SASH1: variants seen among roughly 807,000 people sequenced by gnomAD.
SASH1 encodes the protein SAM and SH3 domain-containing protein 1.
In SASH1, 44 loss-of-function variants were observed where a neutral mutation model predicts 125.2. The observed-to-expected ratio is 0.35, with a 90% CI of 0.28 to 0.45. The LOEUF is 0.45. Ranked by LOEUF, SASH1 falls within the 20% of genes least tolerant of loss-of-function variation. The pLI, the probability that SASH1 is intolerant of heterozygous loss-of-function variation, is 1.00. For missense variants in SASH1, 1,426 were observed against 1,614.5 expected, an observed-to-expected ratio of 0.88 and a Z score of 2.00; for synonymous variants, 639 against 649.1, an observed-to-expected ratio of 0.98 and a Z score of 0.24.
chr6:148,406,640 C>T (rs1784385880), intron 2 of SASH1, among the ~76,000 whole-genome samples: 1 of 152,200 alleles, frequency 6.6e-6, no homozygotes, highest in Non-Finnish European at 1.5e-5. Context: ...GTGCCAAGTC[C>T]AGGGATGACA....
At chr6:148,295,931 C>G (rs905915888) in intron 1 of SASH1, among the ~76,000 whole-genome samples, 1 of 152,160 alleles carries the variant, frequency 6.6e-6, no homozygotes, top group Non-Finnish European at 1.5e-5. Flanking sequence ...TTGCCCTAGT[C>G]CAATTTTTCC....
intron 1 of SASH1, among the ~76,000 whole-genome samples, chr6:148,389,483 A>G (rs532214957): frequency 3.8e-4 from 58 of 152,378 alleles, no homozygotes; most frequent in Non-Finnish European, 6.5e-4. Flanking sequence ...CTAATGAATA[A>G]TATGAATATT....
the SASH1 span, among the ~76,000 whole-genome samples, chr6:148,216,557 A>G: frequency 6.6e-6 from 1 of 152,120 alleles, no homozygotes; most frequent in Non-Finnish European, 1.5e-5. Flanking sequence ...TAACTCCTGT[A>G]TCTCCAGGAA....
chr6:148,421,160 A>AGAAG (rs1491208915), intron 2 of SASH1, among the ~76,000 whole-genome samples: 2 of 106,378 alleles, frequency 1.9e-5, no homozygotes, highest in African/African-American at 7.1e-5. Context: ...AAAGAAAGAA[A>AGAAG]GAAAGAAAGA....
Position 148,449,074 on chromosome 6 carries a change from A to ATTTCTTTTTCTTTTTTTT in SASH1, c.386+8676_386+8677insCTTTTTTTTTTTCTTTTT, listed in dbSNP as rs1419978576. Among the ~76,000 whole-genome samples, 17 of 32,734 alleles carry ATTTCTTTTTCTTTTTTTT rather than the reference A, an allele frequency of 5.2e-4. 1 individual carries two copies. Among genetic ancestry groups the ATTTCTTTTTCTTTTTTTT allele is most frequent in the East Asian group, 2.0e-3 (3 of 1,530 alleles). The allele number at this position is 32,734 out of a possible 152,430, so 21.5% of individuals were successfully genotyped here. ...ACCCGAGACTGGCTAATTTCATTTC[A>ATTTCTTTTTCTTTTTTTT]TTTCTTTTTTTTTTTTTTTGGAGAC... On this transcript the variant is annotated intron_variant, in intron 4 of 19. Coordinates refer to ENST00000367467, the MANE Select transcript of SASH1 (RefSeq NM_015278.5).
the SASH1 span, among the ~76,000 whole-genome samples, chr6:148,205,158 C>T: frequency 2.0e-5 from 3 of 152,166 alleles, no homozygotes; most frequent in Admixed American, 6.5e-5. Flanking sequence ...TATAATGGGG[C>T]GATTTATCAA....
chr6:148,226,877 T>C, the SASH1 span, among the ~76,000 whole-genome samples: 6,647 of 152,230 alleles, frequency 0.044, 184 homozygotes, highest in East Asian at 0.065. Context: ...TGTCTCTGCC[T>C]ACAACACTCA....
At position 148,452,436 on chromosome 6, in the gene SASH1, A is replaced by G. The variant is rs186628357; in HGVS notation, c.386+12029A>G. ...CATCTTTTGTTTTCTGCTCCAGTCT[A>G]AAGCATGCCCTGCACCGATCAATTT... On this transcript the variant is annotated intron_variant, in intron 4 of 19. Transcript: ENST00000367467. 2.6e-5 allele frequency among the ~76,000 whole-genome samples: 4 copies of G among 152,260 alleles called. No individual in the cohort carries two copies. In the East Asian group the frequency reaches 7.7e-4, roughly 29 times the overall value.
intron 1 of SASH1, among the ~76,000 whole-genome samples, chr6:148,343,769 T>G (rs747704834): frequency 6.6e-6 from 1 of 152,238 alleles, no homozygotes; most frequent in African/African-American, 2.4e-5. Flanking sequence ...TGTGCTGTCA[T>G]GTATTTTGAA....
chr6:148,264,971 G>T, the SASH1 span, among the ~76,000 whole-genome samples: 36 of 152,330 alleles, frequency 2.4e-4, no homozygotes, highest in African/African-American at 7.9e-4. Flanking sequence ...CAGACCACGT[G>T]CTCACTATTT....
At chr6:148,476,543 G>C (rs182001981) in intron 7 of SASH1, among the ~76,000 whole-genome samples, 3 of 152,086 alleles carry the variant, frequency 2.0e-5, no homozygotes, top group East Asian at 3.9e-4. Context: ...TTAGCCAGGC[G>C]TGGTGGCACG....
intron 1 of SASH1, among the ~76,000 whole-genome samples, chr6:148,361,149 C>A (rs1245391565): frequency 6.6e-6 from 1 of 152,226 alleles, no homozygotes; most frequent in African/African-American, 2.4e-5. Flanking sequence ...TGGCGAGGAC[C>A]TCTAGCCTCT....
At position 148,507,401 on chromosome 6, in the gene SASH1, C is replaced by T. The variant is rs190846474; in HGVS notation, c.730-6923C>T. ...GTTGTTGTTGTTTGAGATGGAGTCTCGCTCTGTCGCCCAAGCTGGAGTGCA... is the reference window on the plus strand; with the variant it reads ...GTTGTTGTTGTTTGAGATGGAGTCTTGCTCTGTCGCCCAAGCTGGAGTGCA... On this transcript the variant is annotated intron_variant, in intron 8 of 19. Transcript: ENST00000367467. 4.4e-4 allele frequency among the ~76,000 whole-genome samples: 63 copies of T among 141,584 alleles called. 2 individuals are homozygous for T. The highest frequency in any genetic ancestry group is 3.4e-3 in the East Asian group (17 of 5,068). The allele number at this position is 141,584 out of a possible 152,430, so 92.9% of individuals were successfully genotyped here.
intron 1 of SASH1, among the ~76,000 whole-genome samples, chr6:148,369,196 A>G (rs1007074976): frequency 6.6e-6 from 1 of 152,228 alleles, no homozygotes; most frequent in Non-Finnish European, 1.5e-5. Context: ...GGAATGCAGC[A>G]CAGAGGGAGA....
the SASH1 span, among the ~76,000 whole-genome samples, chr6:148,239,158 A>T: frequency 6.6e-6 from 1 of 152,162 alleles, no homozygotes; most frequent in Non-Finnish European, 1.5e-5. Flanking sequence ...GATTCTACGT[A>T]CATTTGTTTG....
At chr6:148,545,912 G>A in intron 18 of SASH1, 103 bp from the exon 19 acceptor site, 1 of 1,180,264 alleles carries the variant, frequency 8.5e-7, no homozygotes, top group Non-Finnish European at 1.2e-6. Flanking sequence ...CTGCACTCCA[G>A]TCTAAGTGAC....
chr6:148,472,609 G>A (rs73013200), intron 6 of SASH1, among the ~76,000 whole-genome samples: 1 of 152,154 alleles, frequency 6.6e-6, no homozygotes, highest in Non-Finnish European at 1.5e-5. Flanking sequence ...ATAGTAAAAT[G>A]AATCAACCCA....
At chr6:148,227,702 A>G in the SASH1 span, among the ~76,000 whole-genome samples, 7 of 152,300 alleles carry the variant, frequency 4.6e-5, no homozygotes, top group East Asian at 1.2e-3. Context: ...TGCAATTAGA[A>G]TGTTGTAATC....
chr6:148,393,051 T>G (rs1205289788), intron 2 of SASH1, among the ~76,000 whole-genome samples: 1 of 146,262 alleles, frequency 6.8e-6, no homozygotes, highest in African/African-American at 2.5e-5. Context: ...ATTTTTTTTT[T>G]TTTTTTTTTT....
Sources: gnomAD v4.1 joint callset for allele counts (sites outside exome capture counted in the v4.1 genomes callset) on GRCh38, gnomAD v4.1.1 for gene constraint, MANE v1.5 for transcripts, NCBI Gene and HGNC (gene_info 2026-07-23, HGNC 2026-07-21) for gene names.